NEK7: variants seen among roughly 807,000 people sequenced by gnomAD.
The protein encoded by NEK7 is NIMA related kinase 7.
NEK7 carries 18 observed loss-of-function variants against 44.6 expected under a neutral mutation model. The observed-to-expected ratio is 0.40, with a 90% CI of 0.28 to 0.60. NEK7 has a LOEUF of 0.60. Among genes scored for constraint, NEK7 ranks in the 20% least tolerant of loss-of-function variants. The pLI is 0.38. For missense variants in NEK7, 256 were observed against 366.5 expected (o/e 0.70, Z 2.46); for synonymous variants, 130 against 121.1 (o/e 1.07, Z -0.48).
intron 7 of NEK7, among the ~76,000 whole-genome samples, chr1:198,288,966 CA>C (rs1279157747): frequency 6.6e-6 from 1 of 152,132 alleles, no homozygotes; most frequent in Non-Finnish European, 1.5e-5. Flanking sequence ...ATGTCTTTTG[CA>C]GAAGAAATAT....
chr1:198,210,839 G>A lies in NEK7; in HGVS notation c.-28-21714G>A, dbSNP rs1369106925. Among the ~76,000 whole-genome samples, 29 of 126,962 alleles carry A rather than the reference G, an allele frequency of 2.3e-4. No individual in the cohort carries two copies. The East Asian group carries it at 6.8e-3, about 30-fold the overall frequency. The allele number at this position is 126,962 out of a possible 152,430, so 83.3% of individuals were successfully genotyped here. On this transcript the variant is annotated intron_variant, in intron 1 of 9. Coordinates refer to ENST00000367385, the MANE Select transcript of NEK7 (RefSeq NM_133494.3). ...GCAATCTTGGCTCACTGCAAGCTCC[G>A]CCTCCCGGGTTCACGCCATTCTCCT...
intron 9 of NEK7, among the ~76,000 whole-genome samples, chr1:198,306,007 C>T (rs545711321): frequency 1.3e-5 from 2 of 152,214 alleles, no homozygotes; most frequent in African/African-American, 4.8e-5. Flanking sequence ...AAAGCTTGGG[C>T]GCTGGAGCTA....
intron 6 of NEK7, 81 bp downstream of exon 6, chr1:198,278,150 A>C (rs74136811): frequency 4.2e-6 from 3 of 721,424 alleles, no homozygotes; most frequent in Non-Finnish European, 4.8e-6. Flanking sequence ...AAGTCAGTAC[A>C]TAATACCATA....
chr1:198,269,116 T>A (rs1051071767), intron 5 of NEK7, among the ~76,000 whole-genome samples: 2 of 152,144 alleles, frequency 1.3e-5, no homozygotes, highest in East Asian at 3.9e-4. Context: ...AGACTTAAAT[T>A]TCTGTTGAGC....
At chr1:198,297,626 A>C (rs1174264540) in intron 9 of NEK7, among the ~76,000 whole-genome samples, 1 of 152,230 alleles carries the variant, frequency 6.6e-6, no homozygotes, top group African/African-American at 2.4e-5. Flanking sequence ...AGACCAGACC[A>C]GCACACAGTT....
At chr1:198,253,005 G>A (rs1328575338) in intron 2 of NEK7, 35 bp from the exon 3 acceptor site, 1 of 1,582,920 alleles carries the variant, frequency 6.3e-7, no homozygotes, top group East Asian at 2.2e-5. Flanking sequence ...TGTATATTGT[G>A]TGATTGAAAA....
At chr1:198,196,126 A>C (rs566684933) in intron 1 of NEK7, among the ~76,000 whole-genome samples, 1 of 152,336 alleles carries the variant, frequency 6.6e-6, no homozygotes, top group African/African-American at 2.4e-5. Context: ...GGAAAATTGG[A>C]AAGTTTAATG....
chr1:198,322,024 C>G lies in NEK7; in HGVS notation c.*2502C>G, dbSNP rs1655547659. ...GGTATCTCTATATAAATAAAGTGCTCAACAATGTGCAATGATTGTAAATTT... is the reference window on the plus strand; with the variant it reads ...GGTATCTCTATATAAATAAAGTGCTGAACAATGTGCAATGATTGTAAATTT... On this transcript the variant is annotated 3_prime_UTR_variant, in exon 10 of 10. Transcript: ENST00000367385. 1 of 152,008 alleles carries G rather than the reference C, an allele frequency of 6.6e-6. No individual in the cohort carries two copies. The highest frequency in any genetic ancestry group is 2.4e-5 in the African/African-American group (1 of 41,414). 9.4% of individuals were successfully genotyped at this position (152,008 alleles called of 1,614,324 possible).
intron 1 of NEK7, among the ~76,000 whole-genome samples, chr1:198,226,558 C>A (rs1469933263): frequency 1.3e-4 from 20 of 149,682 alleles, no homozygotes; most frequent in East Asian, 1.9e-4. Flanking sequence ...AAAAAAAAAA[C>A]CCACTTACAC....
At chr1:198,224,696 G>A (rs1215320376) in intron 1 of NEK7, among the ~76,000 whole-genome samples, 1 of 151,796 alleles carries the variant, frequency 6.6e-6, no homozygotes, top group African/African-American at 2.4e-5. Context: ...AAATAAATTA[G>A]TATGTATTTT....
At chr1:198,296,009 T>C (rs1336327666) in intron 8 of NEK7, among the ~76,000 whole-genome samples, 2 of 152,164 alleles carry the variant, frequency 1.3e-5, no homozygotes, top group Non-Finnish European at 2.9e-5. Context: ...GTTGAGCTAC[T>C]TTCCAGTTTT....
intron 7 of NEK7, among the ~76,000 whole-genome samples, chr1:198,282,680 A>C (rs1487577257): frequency 6.6e-6 from 1 of 152,078 alleles, no homozygotes; most frequent in Non-Finnish European, 1.5e-5. Flanking sequence ...TAAATGTTCA[A>C]TTGCTTGTGG....
chr1:198,251,127 A>G (rs985799302), intron 2 of NEK7, among the ~76,000 whole-genome samples: 15 of 151,802 alleles, frequency 9.9e-5, no homozygotes, highest in Non-Finnish European at 1.5e-4. Flanking sequence ...TTCTGCATCT[A>G]TTGAGATAAT....
At chr1:198,269,676 T>A (rs1336742173) in intron 5 of NEK7, among the ~76,000 whole-genome samples, 1 of 152,128 alleles carries the variant, frequency 6.6e-6, no homozygotes, top group Non-Finnish European at 1.5e-5. Flanking sequence ...CTGGTCTGTA[T>A]TCCAGAAATG....
intron 1 of NEK7, among the ~76,000 whole-genome samples, chr1:198,172,696 A>G: frequency 6.6e-6 from 1 of 152,204 alleles, no homozygotes; most frequent in Non-Finnish European, 1.5e-5. Context: ...GTGAGAGTTG[A>G]AATGTTCTAA....
Position 198,321,901 on chromosome 1 carries a change from C to G in NEK7, c.*2379C>G, listed in dbSNP as rs910359044. 4.6e-5 allele frequency: 7 copies of G among 152,086 alleles called. No individual in the cohort carries two copies. The highest frequency in any genetic ancestry group is 1.3e-4 in the Admixed American group (2 of 15,274). The allele number at this position is 152,086 out of a possible 1,614,324, so 9.4% of individuals were successfully genotyped here. On this transcript the variant is annotated 3_prime_UTR_variant, in exon 10 of 10. Transcript: ENST00000367385. ...AGGAGCAGTAAAATGAAAGCTATAT[C>G]TATTCTAAACCTTATTTAGACATTG...
chr1:198,234,471 A>G (rs1383541973), intron 2 of NEK7, among the ~76,000 whole-genome samples: 3 of 152,208 alleles, frequency 2.0e-5, no homozygotes, highest in African/African-American at 7.2e-5. Context: ...ATAAAAGAAC[A>G]CTTTTAAAAA....
At chr1:198,279,210 T>TAA (rs57129092) in intron 7 of NEK7, 149 bp downstream of exon 7, 61 of 516,040 alleles carry the variant, frequency 1.2e-4, no homozygotes, top group South Asian at 4.2e-4. Flanking sequence ...CAACTCTCTA[T>TAA]TAGGTATAAG....
At chr1:198,302,206 A>T (rs189022351) in intron 9 of NEK7, among the ~76,000 whole-genome samples, 81 of 152,358 alleles carry the variant, frequency 5.3e-4, no homozygotes, top group African/African-American at 1.9e-3. Flanking sequence ...AACCCATAAA[A>T]TATCAACCTG....
Sources: allele counts gnomAD v4.1 joint callset (sites outside exome capture counted in the v4.1 genomes callset), GRCh38; gene constraint gnomAD v4.1.1; transcripts MANE v1.5; gene names NCBI Gene and HGNC (gene_info 2026-07-23, HGNC 2026-07-21).